Variants in OTUD7A observed in about 807,000 individuals in gnomAD.
OTUD7A encodes the protein OTU deubiquitinase 7A.
A neutral mutation model predicts 65.7 loss-of-function variants in OTUD7A; 12 were observed. That is an observed-to-expected ratio of 0.18 (90% CI 0.12 to 0.30). OTUD7A has a LOEUF of 0.30. Ranked by LOEUF, OTUD7A falls within the 10% of genes least tolerant of loss-of-function variation. OTUD7A has a pLI of 1.00. For synonymous variants in OTUD7A, 641 were observed against 586.3 expected (o/e 1.09, Z -1.35); for missense variants, 1,148 against 1,304.8 (o/e 0.88, Z 1.85).
At chr15:31,751,146 C>T (rs2141384288) in intron 1 of OTUD7A, among the ~76,000 whole-genome samples, 1 of 151,940 alleles carries the variant, frequency 6.6e-6, no homozygotes, top group South Asian at 2.1e-4. Flanking sequence ...AGAGAAATGG[C>T]AGAAAATATT....
chr15:31,829,302 C>A (rs1896873829), intron 1 of OTUD7A, among the ~76,000 whole-genome samples: 1 of 152,194 alleles, frequency 6.6e-6, no homozygotes, highest in South Asian at 2.1e-4. Context: ...GGCCTGGCAC[C>A]ATCAACATGG....
intron 10 of OTUD7A, among the ~76,000 whole-genome samples, chr15:31,492,721 C>T (rs2041333640): frequency 6.6e-6 from 1 of 151,956 alleles, no homozygotes; most frequent in South Asian, 2.1e-4. Context: ...TCAATTTACC[C>T]AAGATAAGAT....
Position 31,487,684 on chromosome 15 carries a change from A to C in OTUD7A, c.1172-118T>G. ...ATGCACCGAGTGGACATCTACACAG[A>C]TCTGTGCCAGCAGGAGCATGAAGAC... On this transcript the variant is annotated intron_variant, in intron 10 of 12. Coordinates refer to ENST00000307050, the MANE Select transcript of OTUD7A (RefSeq NM_001382637.1). The surrounding 1 kb of genome is among the most constrained non-coding windows in gnomAD (Gnocchi z 6.0). 1.4e-6 allele frequency: 1 copy of C among 732,786 alleles called. No individual in the cohort carries two copies. The highest frequency in any genetic ancestry group is 2.7e-5 in the East Asian group (1 of 36,938). 45.4% of individuals were successfully genotyped at this position (732,786 alleles called of 1,614,324 possible). A position where few individuals can be genotyped will look rare whatever the true frequency, so the allele number is the denominator to read the frequency against.
chr15:31,601,249 TAAC>T (rs1890064572), intron 3 of OTUD7A, among the ~76,000 whole-genome samples: 1 of 152,120 alleles, frequency 6.6e-6, no homozygotes, highest in Admixed American at 6.5e-5. Context: ...ATGGAAATCA[TAAC>T]AAACAGTCTC....
Position 31,651,340 on chromosome 15 carries a change from C to A in OTUD7A, c.151+3756G>T, listed in dbSNP as rs1186449026. ...GAAATTTTCTTCACCTGATAAAGAC[C>A]ATCTACTAAAACCTATAGCCAACAT... On this transcript the variant is annotated intron_variant, in intron 3 of 12. Transcript: ENST00000307050. Among the ~76,000 whole-genome samples the A allele has an allele frequency of 2.0e-5, 3 of 150,888 alleles. No individual in the cohort carries two copies. The South Asian group carries it at 6.3e-4, about 32-fold the overall frequency.
rs577279274 is a variant in OTUD7A at position 31,475,712 on chromosome 15, G to A, written c.*7582C>T. 6.6e-6 allele frequency: 1 copy of A among 152,170 alleles called. No individual in the cohort carries two copies. The highest frequency in any genetic ancestry group is 2.1e-4 in the South Asian group (1 of 4,832). The allele number at this position is 152,170 out of a possible 1,614,324, so 9.4% of individuals were successfully genotyped here. On this transcript the variant is annotated 3_prime_UTR_variant, in exon 13 of 13. Transcript: ENST00000307050. ...CTCCAAGAATGGACCGGATTGAAAA[G>A]GATATTTGCATTGAATTGGAATTAA... is the stretch of plus-strand genomic sequence containing the variant.
At chr15:31,502,023 C>T (rs2041476822) in intron 9 of OTUD7A, among the ~76,000 whole-genome samples, 184 bp from the exon 10 acceptor site, 1 of 152,118 alleles carries the variant, frequency 6.6e-6, no homozygotes, top group Admixed American at 6.5e-5. Flanking sequence ...CTGTCTGCCC[C>T]AGGACTCCTG....
chr15:31,639,016 C>G (rs1285255232), intron 3 of OTUD7A, among the ~76,000 whole-genome samples: 1 of 152,044 alleles, frequency 6.6e-6, no homozygotes. Context: ...TGCCTGTAGT[C>G]GCAGCTACTC....
chr15:31,808,750 A>C (rs1292177033), intron 1 of OTUD7A, among the ~76,000 whole-genome samples: 1 of 152,242 alleles, frequency 6.6e-6, no homozygotes, highest in Non-Finnish European at 1.5e-5. Context: ...AGAATGAAAC[A>C]AGATGCATAT....
chr15:31,553,425 G>C (rs1480058094), intron 5 of OTUD7A, among the ~76,000 whole-genome samples: 1 of 152,082 alleles, frequency 6.6e-6, no homozygotes, highest in East Asian at 1.9e-4. Context: ...CTCACTCCGG[G>C]ATCCCACGGG....
intron 1 of OTUD7A, among the ~76,000 whole-genome samples, chr15:31,851,097 T>C (rs1014463157): frequency 1.3e-5 from 2 of 152,158 alleles, no homozygotes; most frequent in Non-Finnish European, 2.9e-5. Context: ...TATGGCAATA[T>C]TAAAAAGACC....
rs1895521674 is a variant in OTUD7A, at chr15:31,780,929, T to C, written c.-100+89578A>G. On this transcript the variant is annotated intron_variant, in intron 1 of 12. Coordinates refer to ENST00000307050, the MANE Select transcript of OTUD7A (RefSeq NM_001382637.1). ...GGAATACAGTGACTGTAGGTACAAA[T>C]ATTCTTGATGTACTGAGCAGTTATA... is the stretch of plus-strand genomic sequence containing the variant. 2.0e-5 allele frequency among the ~76,000 whole-genome samples: 3 copies of C among 152,314 alleles called. No individual in the cohort carries two copies. The South Asian group carries it at 6.2e-4, about 32-fold the overall frequency.
intron 3 of OTUD7A, among the ~76,000 whole-genome samples, chr15:31,610,605 A>ATTTTTTTTTTTTTT (rs1472216504): frequency 2.6e-5 from 1 of 38,678 alleles, no homozygotes; most frequent in Admixed American, 3.5e-4. Flanking sequence ...ATATATATAT[A>ATTTTTTTTTTTTTT]TATATATATA....
At chr15:31,595,060 C>A (rs1355999175) in intron 3 of OTUD7A, among the ~76,000 whole-genome samples, 1 of 152,214 alleles carries the variant, frequency 6.6e-6, no homozygotes, top group Non-Finnish European at 1.5e-5. Flanking sequence ...GGACAGACAT[C>A]TGAAGAAATG....
chr15:31,483,918 G>A lies in OTUD7A; in HGVS notation c.2178C>T (p.Leu726=). The A allele has an allele frequency of 9.3e-7, 1 of 1,073,024 alleles. No individual in the cohort carries two copies. Among genetic ancestry groups the A allele is most frequent in the Non-Finnish European group, 1.1e-6 (1 of 881,996 alleles). The allele number at this position is 1,073,024 out of a possible 1,614,324, so 66.5% of individuals were successfully genotyped here. ...CGGGGCTCGGCCGCTCCTTGAGCTT[G>A]AGCACCAGCTGCGTGGGTGGGCCCG... ...ASPGPPTQLV[L]KLKERPSPGP... Residue 726 remains leucine, a synonymous_variant, in exon 13 of 13, where the codon CTC becomes CTT. Transcript: ENST00000307050.
chr15:31,665,191 T>G (rs1869560875), intron 1 of OTUD7A, among the ~76,000 whole-genome samples: 1 of 152,246 alleles, frequency 6.6e-6, no homozygotes, highest in African/African-American at 2.4e-5. Flanking sequence ...TCTAATTCTG[T>G]GAAGAATGAT....
intron 1 of OTUD7A, among the ~76,000 whole-genome samples, chr15:31,661,472 A>G (rs1892162718): frequency 6.6e-6 from 1 of 152,192 alleles, no homozygotes; most frequent in African/African-American, 2.4e-5. Flanking sequence ...TTTTAAAAAT[A>G]TTTTTCTAAT....
intron 3 of OTUD7A, among the ~76,000 whole-genome samples, chr15:31,654,139 A>G (rs1432171552): frequency 2.3e-5 from 2 of 88,526 alleles, no homozygotes; most frequent in African/African-American, 8.9e-5. Flanking sequence ...AATAATGGAA[A>G]CTGACAGGGA....
At chr15:31,743,671 C>G (rs1469284919) in intron 1 of OTUD7A, among the ~76,000 whole-genome samples, 1 of 151,944 alleles carries the variant, frequency 6.6e-6, no homozygotes, top group Admixed American at 6.6e-5. Flanking sequence ...CTTTGGGAGG[C>G]CAAGGCAGGC....
Sources: allele counts gnomAD v4.1 joint callset (sites outside exome capture counted in the v4.1 genomes callset), GRCh38; gene constraint gnomAD v4.1.1; non-coding constraint Gnocchi (gnomAD v3.1); transcripts MANE v1.5; gene names NCBI Gene and HGNC (gene_info 2026-07-23, HGNC 2026-07-21).